The following UST variants were observed in gnomAD, a reference collection of about 807,000 sequenced individuals.
The protein encoded by UST is chondroitin sulfate 2-O-sulfotransferase.
Under a neutral mutation model 45.6 loss-of-function variants are expected in UST, and 21 were observed. The ratio of observed to expected loss-of-function variants is 0.46; its 90% CI spans 0.33 to 0.66. The LOEUF (loss-of-function observed/expected upper bound fraction) is 0.66. Ranked by LOEUF, UST falls within the 30% of genes least tolerant of loss-of-function variation. UST has a pLI of 0.02. For missense variants in UST, 463 were observed against 512.4 expected (o/e 0.90, Z 0.93); for synonymous variants, 215 against 200.6 (o/e 1.07, Z -0.61).
At chr6:149,053,606 A>C (rs1776520012) in intron 7 of UST, among the ~76,000 whole-genome samples, 1 of 152,230 alleles carries the variant, frequency 6.6e-6, no homozygotes, top group African/African-American at 2.4e-5. Flanking sequence ...TGTTTGCCAT[A>C]CTTCCAAAAA....
At chr6:148,927,427 G>A (rs772403863) in intron 2 of UST, among the ~76,000 whole-genome samples, 6 of 151,720 alleles carry the variant, frequency 4.0e-5, no homozygotes, top group Admixed American at 1.3e-4. Context: ...TGGTAATGTC[G>A]TTCTCATTTT....
At chr6:148,758,405 T>C (rs570623845) in intron 1 of UST, among the ~76,000 whole-genome samples, 279 of 152,336 alleles carry the variant, frequency 1.8e-3, no homozygotes, top group African/African-American at 6.0e-3. Context: ...TTTTTGTTCC[T>C]GCATTCACAA....
chr6:149,008,598 C>A, intron 5 of UST, among the ~76,000 whole-genome samples: 1 of 152,120 alleles, frequency 6.6e-6, no homozygotes. Context: ...GGCCAGGAAG[C>A]CACAGTCTAG....
At chr6:149,017,982 T>A (rs1366944353) in intron 5 of UST, among the ~76,000 whole-genome samples, 1 of 151,780 alleles carries the variant, frequency 6.6e-6, no homozygotes, top group Non-Finnish European at 1.5e-5. Flanking sequence ...TCACTTCTCA[T>A]ATGTTCCTCC....
chr6:148,995,486 C>T (rs1352657414), intron 5 of UST, among the ~76,000 whole-genome samples: 1 of 152,224 alleles, frequency 6.6e-6, no homozygotes, highest in Non-Finnish European at 1.5e-5. Flanking sequence ...CTTCTGTGTT[C>T]TAGTCGCATT....
At chr6:148,930,121 G>A (rs1309347779) in intron 2 of UST, among the ~76,000 whole-genome samples, 1 of 152,160 alleles carries the variant, frequency 6.6e-6, no homozygotes, top group African/African-American at 2.4e-5. Flanking sequence ...CCTTCCCTGA[G>A]TTCTCAAGGC....
At chr6:148,769,591 A>G (rs987594397) in intron 1 of UST, among the ~76,000 whole-genome samples, 2 of 152,214 alleles carry the variant, frequency 1.3e-5, no homozygotes, top group African/African-American at 4.8e-5. Flanking sequence ...ATCAAATTAT[A>G]AAGAGACTGC....
chr6:149,034,109 G>C (rs1776194643), intron 7 of UST, among the ~76,000 whole-genome samples: 1 of 152,150 alleles, frequency 6.6e-6, no homozygotes, highest in African/African-American at 2.4e-5. Context: ...CCACATTTGA[G>C]ATGCATGGTC....
chr6:148,916,612 G>A (rs922675049), intron 2 of UST, among the ~76,000 whole-genome samples: 2 of 152,152 alleles, frequency 1.3e-5, no homozygotes, highest in African/African-American at 2.4e-5. Flanking sequence ...CTGAGCTCCC[G>A]TCCTCCTTTC....
chr6:149,010,722 A>C (rs1291289002), intron 5 of UST, among the ~76,000 whole-genome samples: 3 of 151,678 alleles, frequency 2.0e-5, no homozygotes, highest in African/African-American at 4.8e-5. Context: ...GTGAAAACCT[A>C]TCTCTACTAA....
chr6:148,811,368 C>T lies in UST; in HGVS notation c.247+63691C>T, dbSNP rs1368713292. Among the ~76,000 whole-genome samples the T allele has an allele frequency of 5.3e-5, 8 of 152,206 alleles. No individual in the cohort carries two copies. The East Asian group carries it at 1.5e-3, about 29-fold the overall frequency. On this transcript the variant is annotated intron_variant, in intron 1 of 7. Transcript: ENST00000367463. The stretch of plus-strand genomic sequence containing the variant: ...TCAAAACCAGCACACCGTTTCTTCT[C>T]TGCACACCACAGCAAGCCACAAGTC...
chr6:148,961,417 G>A (rs75778955), intron 4 of UST, among the ~76,000 whole-genome samples: 2 of 152,204 alleles, frequency 1.3e-5, no homozygotes, highest in East Asian at 3.9e-4. Context: ...ATTTTTTAGC[G>A]CTCCATAAAG....
chr6:148,840,876 G>A (rs895382905), intron 1 of UST, among the ~76,000 whole-genome samples: 2 of 152,106 alleles, frequency 1.3e-5, no homozygotes, highest in African/African-American at 4.8e-5. Context: ...CTTCCACTGC[G>A]TTCACTGCGT....
intron 2 of UST, among the ~76,000 whole-genome samples, chr6:148,912,996 C>T (rs148718296): frequency 3.9e-5 from 6 of 152,306 alleles, no homozygotes; most frequent in South Asian, 2.1e-4. Flanking sequence ...ATTTCTGACA[C>T]GCTTCCAGGT....
At chr6:149,042,162 A>C (rs1365036035) in intron 7 of UST, among the ~76,000 whole-genome samples, 2 of 152,258 alleles carry the variant, frequency 1.3e-5, no homozygotes, top group African/African-American at 2.4e-5. Context: ...AGATGAGGAA[A>C]CTGAAGTTTG....
chr6:148,809,473 T>A (rs1408657396), intron 1 of UST, among the ~76,000 whole-genome samples: 1 of 152,184 alleles, frequency 6.6e-6, no homozygotes. Flanking sequence ...ATCTCAACAC[T>A]CTAACGTGCT....
At chr6:148,770,788 G>T (rs1429645999) in intron 1 of UST, among the ~76,000 whole-genome samples, 1 of 152,200 alleles carries the variant, frequency 6.6e-6, no homozygotes, top group Non-Finnish European at 1.5e-5. Context: ...AATGGCCCTG[G>T]GTTGCTCAGC....
At chr6:148,768,355 G>A (rs57349645) in intron 1 of UST, among the ~76,000 whole-genome samples, 30,060 of 152,090 alleles carry the variant, frequency 0.2, 3,291 homozygotes, top group African/African-American at 0.3. Flanking sequence ...TCAATTCTAA[G>A]AGTTCTTTAG....
chr6:148,954,036 T>C, intron 4 of UST, 85 bp downstream of exon 4: 1 of 1,057,890 alleles, frequency 9.5e-7, no homozygotes, highest in South Asian at 1.7e-5. Context: ...TACAAGGCAG[T>C]GCAATTGCCC....
Sources: gnomAD v4.1 joint callset for allele counts (sites outside exome capture counted in the v4.1 genomes callset) on GRCh38, gnomAD v4.1.1 for gene constraint, MANE v1.5 for transcripts, NCBI Gene and HGNC (gene_info 2026-07-23, HGNC 2026-07-21) for gene names.